SMIM27: variants seen among roughly 807,000 people sequenced by gnomAD.
SMIM27 encodes the protein TOPORS antisense RNA 1 (non-protein coding).
SMIM27 carries 3 observed loss-of-function variants against 1.8 expected under a neutral mutation model. The ratio of observed to expected loss-of-function variants is 1.65; its 90% CI spans 0.75 to 4.28. The LOEUF is 4.28. Among genes scored for constraint, SMIM27 ranks in the 30% most tolerant of loss-of-function variants. The probability of loss-of-function intolerance (pLI) is 0.02; values close to 1 mark genes in which losing one functional copy is unlikely to be tolerated. For synonymous variants in SMIM27, 19 were observed against 13.9 expected, an observed-to-expected ratio of 1.37 and a Z score of -0.82; for missense variants, 63 against 37.0, an observed-to-expected ratio of 1.70 and a Z score of -1.83.
At chr9:32,565,296 A>C (rs1323612316) in intron 1 of SMIM27, 1 of 152,128 alleles carries the variant, frequency 6.6e-6, no homozygotes, top group Non-Finnish European at 1.5e-5. Flanking sequence ...TGTCTCAAAA[A>C]AAAAAAAGAA....
downstream of SMIM27, chr9:32,553,672 T>G (rs1052939303): frequency 7.7e-6 from 4 of 517,006 alleles, no homozygotes; most frequent in Non-Finnish European, 1.4e-5. Context: ...CCAGAAAAAG[T>G]AGGTAGTCTC....
chr9:32,553,477 C>T, downstream of SMIM27: 1 of 198,056 alleles, frequency 5.0e-6, no homozygotes, highest in Admixed American at 5.9e-5. Context: ...GCATGAGCCA[C>T]TGCGCCTGGC....
intron 1 of SMIM27, 156 bp downstream of exon 1, chr9:32,552,635 A>C: frequency 1.4e-6 from 1 of 699,012 alleles, no homozygotes; most frequent in East Asian, 2.7e-5. Context: ...GGAGGATACG[A>C]TCTTCCGCTT....
intron 1 of SMIM27, among the ~76,000 whole-genome samples, chr9:32,563,822 C>T (rs542756998): frequency 9.7e-4 from 147 of 152,302 alleles, no homozygotes; most frequent in African/African-American, 3.4e-3. Context: ...TCATCTATTA[C>T]TATCATTATT....
At chr9:32,551,785 G>A (rs1821270828), upstream of SMIM27, 1 of 453,058 alleles carries the variant, frequency 2.2e-6, no homozygotes, top group Non-Finnish European at 4.4e-6. Context: ...AACACTTGTT[G>A]CTTGACTGAT....
exon 2 of SMIM27, chr9:32,566,684 G>T (rs1354403464): frequency 2.1e-5 from 17 of 822,142 alleles, no homozygotes; most frequent in Non-Finnish European, 3.5e-5. Context: ...GGCTTTCACA[G>T]CTGTATCTCA....
At chr9:32,557,948 T>C (rs550235741), downstream of SMIM27, among the ~76,000 whole-genome samples, 2 of 152,326 alleles carry the variant, frequency 1.3e-5, no homozygotes, top group African/African-American at 2.4e-5. Context: ...TGAGTTATGA[T>C]AGTTCATTAT....
At chr9:32,565,202 A>G (rs575111900) in intron 1 of SMIM27, among the ~76,000 whole-genome samples, 9 of 152,062 alleles carry the variant, frequency 5.9e-5, no homozygotes, top group Non-Finnish European at 1.3e-4. Flanking sequence ...CTGAGGCAGG[A>G]GAATCACTTG....
chr9:32,551,401 T>C, upstream of SMIM27: 1 of 327,204 alleles, frequency 3.1e-6, no homozygotes. Flanking sequence ...ACACCAGGAG[T>C]CCAACGGGAT....
intron 1 of SMIM27, among the ~76,000 whole-genome samples, chr9:32,561,966 T>G (rs974901316): frequency 6.6e-6 from 1 of 152,226 alleles, no homozygotes; most frequent in Non-Finnish European, 1.5e-5. Flanking sequence ...TGTATCACAT[T>G]CATCAAGTCA....
At chr9:32,558,931 T>C in intron 1 of SMIM27, 1 of 1,585,364 alleles carries the variant, frequency 6.3e-7, no homozygotes, top group Non-Finnish European at 8.6e-7. Flanking sequence ...TGGACTTCTT[T>C]TCAACTATGC....
chr9:32,552,465 T>A lies in SMIM27; in HGVS notation c.31T>A (p.Trp11Arg). 6.2e-7 allele frequency: 1 copy of A among 1,600,658 alleles called. No individual in the cohort carries two copies. The highest frequency in any genetic ancestry group is 8.5e-7 in the Non-Finnish European group (1 of 1,174,158). Residue 11 changes from tryptophan to arginine, a missense_variant, in exon 1 of 2, where the codon TGG (tryptophan) becomes AGG (arginine). Physicochemically the swap from Trp to Arg is moderately radical, Grantham distance 101. Coordinates refer to ENST00000692500, the MANE Select transcript of SMIM27 (RefSeq NM_001387564.1). ...GCCAGTAAGTCGTCGCACGCTGGAC[T>A]GGATTTATTCAGTGGTAAGTCCCGG... MKPVSRRTLDWIYSVLLLAIV... is the reference protein window; with the variant it reads MKPVSRRTLDRIYSVLLLAIV...
At chr9:32,560,990 A>G (rs75326766) in intron 1 of SMIM27, among the ~76,000 whole-genome samples, 1,546 of 152,348 alleles carry the variant, frequency 0.01, 17 homozygotes, top group South Asian at 0.016. Context: ...ACAGAAAGTA[A>G]TATATTTTCT....
upstream of SMIM27, chr9:32,551,559 C>T: frequency 4.0e-6 from 1 of 252,330 alleles, no homozygotes; most frequent in Non-Finnish European, 8.4e-6. Context: ...CTTCCCACTC[C>T]CTGAAATCTA....
At chr9:32,551,737 C>A, upstream of SMIM27, 1 of 429,196 alleles carries the variant, frequency 2.3e-6, no homozygotes, top group Non-Finnish European at 4.8e-6. Context: ...CTTAGTATCT[C>A]ACGCGCGGCA....
chr9:32,551,430 C>G (rs1354044770), upstream of SMIM27: 1 of 319,492 alleles, frequency 3.1e-6, no homozygotes, highest in East Asian at 8.3e-5. Flanking sequence ...AGAGCCCAAC[C>G]AGTATCCTAT....
At chr9:32,551,420 A>G, upstream of SMIM27, 1 of 321,714 alleles carries the variant, frequency 3.1e-6, no homozygotes, top group South Asian at 2.6e-5. Context: ...ATCCCAAACC[A>G]GAGCCCAACC....
At chr9:32,565,537 T>A (rs569404540) in intron 1 of SMIM27, 1 of 152,320 alleles carries the variant, frequency 6.6e-6, no homozygotes, top group East Asian at 1.9e-4. Context: ...CCACACCACA[T>A]GAGCAAACCA....
At chr9:32,558,658 T>C (rs1563992627) in intron 1 of SMIM27, among the ~76,000 whole-genome samples, 1 of 152,166 alleles carries the variant, frequency 6.6e-6, no homozygotes, top group Non-Finnish European at 1.5e-5. Flanking sequence ...AAAATCAAGG[T>C]CACAAAACAC....
Sources: gnomAD v4.1 joint callset for allele counts (sites outside exome capture counted in the v4.1 genomes callset) on GRCh38, gnomAD v4.1.1 for gene constraint, MANE v1.5 for transcripts, NCBI Gene and HGNC (gene_info 2026-07-23, HGNC 2026-07-21) for gene names.